Variants in GLI3 observed in about 807,000 individuals in gnomAD.
The protein encoded by GLI3 is GLI family zinc finger 3.
A neutral mutation model predicts 100.8 loss-of-function variants in GLI3; 20 were observed. That is an observed-to-expected ratio of 0.20 (90% CI 0.14 to 0.29). The LOEUF is 0.29. Among genes scored for constraint, GLI3 ranks in the 10% least tolerant of loss-of-function variants. GLI3 has a pLI of 1.00. For synonymous variants in GLI3, 938 were observed against 860.5 expected (o/e 1.09, Z -1.58); for missense variants, 2,040 against 2,128.5 (o/e 0.96, Z 0.82).
chr7:42,191,545 G>A (rs1023358382), intron 2 of GLI3, among the ~76,000 whole-genome samples: 17 of 151,924 alleles, frequency 1.1e-4, no homozygotes, highest in Non-Finnish European at 1.8e-4. Flanking sequence ...CCAGCTACTC[G>A]GGACGCTGAG....
chr7:42,066,507 T>C (rs1482447340), intron 4 of GLI3, among the ~76,000 whole-genome samples: 1 of 152,208 alleles, frequency 6.6e-6, no homozygotes, highest in African/African-American at 2.4e-5. Flanking sequence ...AGTGCATCTC[T>C]GGATCGCACT....
intron 4 of GLI3, among the ~76,000 whole-genome samples, chr7:42,049,511 A>G (rs1469691394): frequency 2.0e-5 from 3 of 152,226 alleles, no homozygotes; most frequent in Admixed American, 6.5e-5. Flanking sequence ...TTGGGGAAGA[A>G]TGCATTTTCA....
chr7:42,007,741 AGTTTTTACAATAGAG>A (rs1275479498), intron 10 of GLI3, among the ~76,000 whole-genome samples: 11 of 152,312 alleles, frequency 7.2e-5, no homozygotes, highest in East Asian at 1.9e-4. Context: ...AAATCTAAGA[AGTTTTTACAATAGAG>A]GTGGCTCTGG....
intron 12 of GLI3, among the ~76,000 whole-genome samples, chr7:41,974,710 G>A (rs1039206919): frequency 2.0e-5 from 3 of 152,196 alleles, no homozygotes; most frequent in African/African-American, 7.2e-5. Flanking sequence ...CCCAGCTCAC[G>A]GGATTATCAG....
rs942730954 is a variant in GLI3, at chr7:42,040,093, G to A, written c.973C>T (p.Arg325Cys). ...NSLVTILNNS[R>C]SSSSASGSYG... Reference sequence around the variant, plus strand: ...GAGCCACTTGCTGAAGAGCTGCTACGGGAATTATTGAGAATCGTGACCAAG... The same window carrying A: ...GAGCCACTTGCTGAAGAGCTGCTACAGGAATTATTGAGAATCGTGACCAAG... The change falls in exon 7 of 15, where the codon CGT becomes TGT. Residue 325 changes from arginine to cysteine, a missense_variant. Coordinates refer to ENST00000395925, the MANE Select transcript of GLI3 (RefSeq NM_000168.6). The A allele has an allele frequency of 8.7e-6, 14 of 1,613,906 alleles. No homozygotes were observed. The highest frequency in any genetic ancestry group is 5.3e-5 in the African/African-American group (4 of 74,906).
chr7:42,021,924 C>T (rs2299142), intron 10 of GLI3, among the ~76,000 whole-genome samples: 53,653 of 152,138 alleles, frequency 0.35, 11,452 homozygotes, highest in Admixed American at 0.53. Context: ...AAATTCCAAA[C>T]TTTTCCCCTT....
intron 4 of GLI3, among the ~76,000 whole-genome samples, chr7:42,052,737 A>T (rs1478272423): frequency 6.6e-6 from 1 of 152,086 alleles, no homozygotes; most frequent in East Asian, 1.9e-4. Context: ...GCTGGTATTC[A>T]GTTTCTCATT....
intron 1 of GLI3, among the ~76,000 whole-genome samples, chr7:42,249,175 T>A (rs937281240): frequency 6.6e-6 from 1 of 152,306 alleles, no homozygotes; most frequent in Non-Finnish European, 1.5e-5. Context: ...ACAAACTTTT[T>A]ATGTAAAAGA....
At chr7:42,153,309 A>T (rs1430918746) in intron 2 of GLI3, among the ~76,000 whole-genome samples, 1 of 152,208 alleles carries the variant, frequency 6.6e-6, no homozygotes, top group East Asian at 1.9e-4. Context: ...TTCTTGCAAT[A>T]ATAGTGCATA....
intron 3 of GLI3, among the ~76,000 whole-genome samples, chr7:42,098,956 A>T (rs1785399832): frequency 6.6e-6 from 1 of 152,146 alleles, no homozygotes. Flanking sequence ...TGATCCTAAC[A>T]GTGGGGCATC....
intron 6 of GLI3, among the ~76,000 whole-genome samples, chr7:42,040,913 G>T (rs1017462117): frequency 6.6e-6 from 1 of 152,094 alleles, no homozygotes; most frequent in Non-Finnish European, 1.5e-5. Context: ...AGAGGGTAGA[G>T]TCTAAGAATG....
intron 2 of GLI3, among the ~76,000 whole-genome samples, chr7:42,166,052 T>C (rs1719586978): frequency 6.6e-6 from 1 of 152,166 alleles, no homozygotes; most frequent in African/African-American, 2.4e-5. Flanking sequence ...CTCACAAACC[T>C]TGCATGAAGC....
At chr7:42,182,692 G>GTA (rs200753197) in intron 2 of GLI3, among the ~76,000 whole-genome samples, 2,584 of 93,040 alleles carry the variant, frequency 0.028, 159 homozygotes, top group Middle Eastern at 0.033. Context: ...ACACATGTGT[G>GTA]TATATATATA....
intron 10 of GLI3, among the ~76,000 whole-genome samples, chr7:42,013,915 G>A (rs1381284367): frequency 2.0e-5 from 3 of 152,154 alleles, no homozygotes; most frequent in Admixed American, 1.3e-4. Flanking sequence ...CATGGGTAAC[G>A]TCTCCTCCCA....
At chr7:41,988,474 AGG>A (rs35807999) in intron 10 of GLI3, among the ~76,000 whole-genome samples, 24,173 of 83,326 alleles carry the variant, frequency 0.29, 2,273 homozygotes, top group East Asian at 0.59. Flanking sequence ...AAAAAAAAAA[AGG>A]GGGGGGGGGT....
intron 3 of GLI3, among the ~76,000 whole-genome samples, chr7:42,105,883 C>T (rs532201741): frequency 1.3e-5 from 2 of 152,202 alleles, no homozygotes; most frequent in South Asian, 2.1e-4. Flanking sequence ...TTTTAATGAG[C>T]GGGGTGTGAG....
intron 10 of GLI3, among the ~76,000 whole-genome samples, chr7:42,010,989 C>T (rs566643526): frequency 1.3e-5 from 2 of 152,302 alleles, no homozygotes; most frequent in South Asian, 4.2e-4. Flanking sequence ...CAGAACAGAA[C>T]CTACACCCCA....
At chr7:42,216,732 C>T (rs1302749490) in intron 2 of GLI3, among the ~76,000 whole-genome samples, 1 of 151,878 alleles carries the variant, frequency 6.6e-6, no homozygotes, top group Non-Finnish European at 1.5e-5. Flanking sequence ...GACACAAGAC[C>T]TTATGAGGAG....
In GLI3 at chr7:42,048,644, T is replaced by G. The variant is rs1784294811; in HGVS notation, c.526A>C (p.Ile176Leu). Residue 176 changes from isoleucine (I) to leucine (L), a missense_variant, in exon 5 of 15, where the codon ATC (isoleucine) becomes CTC (leucine). Physicochemically the swap from Ile to Leu is conservative, Grantham distance 5. Around this residue, in one of 5 missense-constraint regions of GLI3, gnomAD observed 603 missense variants for 690.9 expected, o/e 0.87. Transcript: ENST00000395925. ...PTYPDLPFIR[I>L]SPHRNPTAAS... ...GCAGTGGGGTTCCGGTGTGGGGAGA[T>G]CCTAATGAAGGGCAGGTCCGGATAC... The G allele has an allele frequency of 1.2e-6, 2 of 1,609,954 alleles. No homozygotes were observed. Among genetic ancestry groups the G allele is most frequent in the Non-Finnish European group, 8.5e-7 (1 of 1,179,220 alleles).
Sources: allele counts gnomAD v4.1 joint callset (sites outside exome capture counted in the v4.1 genomes callset), GRCh38; gene constraint gnomAD v4.1.1; regional missense constraint gnomAD v4.1.1; transcripts MANE v1.5; gene names NCBI Gene and HGNC (gene_info 2026-07-23, HGNC 2026-07-21).